Variants in RIMS1 observed in about 807,000 individuals in gnomAD.
RIMS1 encodes regulating synaptic membrane exocytosis protein 1.
In RIMS1, 83 loss-of-function variants were observed where a neutral mutation model predicts 214.1. That is an observed-to-expected ratio of 0.39 (90% CI 0.32 to 0.47). The LOEUF (loss-of-function observed/expected upper bound fraction) is 0.47, where lower values mean the gene tolerates loss of function less well. RIMS1 is among the 20% of genes least tolerant of loss of function. The pLI is 0.99. For synonymous variants in RIMS1, 793 were observed against 786.8 expected (o/e 1.01, Z -0.13); for missense variants, 2,050 against 2,161.8 (o/e 0.95, Z 1.03).
At position 72,293,277 on chromosome 6, in the gene RIMS1, T is replaced by C. The variant is rs73750475; in HGVS notation, c.3850+1231T>C. On this transcript the variant is annotated intron_variant, in intron 26 of 33. Transcript: ENST00000521978. The stretch of plus-strand genomic sequence containing the variant: ...ATTCATTTAGTGAATCATGAAAATA[T>C]GATGCATTGTGAAACTCTGACTTTC... Among the ~76,000 whole-genome samples, 479 of 152,150 alleles carry C rather than the reference T, an allele frequency of 3.1e-3. 2 individuals carry two copies. Among genetic ancestry groups the C allele is most frequent in the African/African-American group, 0.01 (434 of 41,576 alleles).
At chr6:72,039,522 C>A (rs1057377465) in intron 2 of RIMS1, among the ~76,000 whole-genome samples, 3 of 151,950 alleles carry the variant, frequency 2.0e-5, no homozygotes, top group Non-Finnish European at 4.4e-5. Flanking sequence ...TGCAGGTGAG[C>A]CATATTGTTA....
At chr6:72,188,463 C>T (rs2049503705) in intron 6 of RIMS1, among the ~76,000 whole-genome samples, 1 of 152,146 alleles carries the variant, frequency 6.6e-6, no homozygotes. Flanking sequence ...TCTTATGTCA[C>T]ATGATAAAGG....
intron 6 of RIMS1, among the ~76,000 whole-genome samples, chr6:72,222,400 T>TCAAAAA (rs2058749708): frequency 6.6e-6 from 1 of 152,054 alleles, no homozygotes; most frequent in African/African-American, 2.4e-5. Flanking sequence ...TTCCATTTTT[T>TCAAAAA]TGTACTGCAT....
At chr6:72,179,554 T>C (rs2048167183) in intron 4 of RIMS1, 21 bp from the exon 5 acceptor site, 1 of 1,570,268 alleles carries the variant, frequency 6.4e-7, no homozygotes, top group South Asian at 1.2e-5. Context: ...AAATTTATAT[T>C]GTTCTTTCTT....
chr6:72,025,630 T>C (rs2151968818), intron 2 of RIMS1, among the ~76,000 whole-genome samples: 1 of 152,336 alleles, frequency 6.6e-6, no homozygotes, highest in East Asian at 1.9e-4. Flanking sequence ...CCCAGTTGAG[T>C]TGATGGCTAG....
At chr6:72,370,577 G>C (rs1215643539) in intron 29 of RIMS1, among the ~76,000 whole-genome samples, 1 of 152,072 alleles carries the variant, frequency 6.6e-6, no homozygotes, top group Non-Finnish European at 1.5e-5. Context: ...AAATAGAATT[G>C]CTTATGTGGT....
At position 72,338,665 on chromosome 6, in the gene RIMS1, A is replaced by G. The variant is rs539547057; in HGVS notation, c.4366+4830A>G. On this transcript the variant is annotated intron_variant, in intron 29 of 33. Transcript: ENST00000521978. The stretch of plus-strand genomic sequence containing the variant: ...CAAAAAGTGGGCGAAGGATATGAAC[A>G]GACACTTCTCAAAATAAGACATTTA... Among the ~76,000 whole-genome samples, 57 of 152,148 alleles carry G rather than the reference A, an allele frequency of 3.7e-4. 1 individual carries two copies. Among genetic ancestry groups the G allele is most frequent in the Admixed American group, 3.4e-3 (51 of 15,222 alleles).
chr6:72,207,977 T>C (rs1040717121), intron 6 of RIMS1, among the ~76,000 whole-genome samples: 1 of 152,182 alleles, frequency 6.6e-6, no homozygotes, highest in Non-Finnish European at 1.5e-5. Context: ...TCAAGACTTA[T>C]AATGGTTGGG....
chr6:71,975,672 T>C (rs748389845), intron 2 of RIMS1, among the ~76,000 whole-genome samples: 2 of 152,152 alleles, frequency 1.3e-5, no homozygotes, highest in African/African-American at 4.8e-5. Flanking sequence ...ACTATGTAAT[T>C]CAGGAATGTT....
At chr6:72,005,726 G>A (rs192307183) in intron 2 of RIMS1, among the ~76,000 whole-genome samples, 10 of 152,192 alleles carry the variant, frequency 6.6e-5, no homozygotes, top group African/African-American at 2.4e-4. Flanking sequence ...TAAAAAACAT[G>A]CTGGATGGCT....
intron 2 of RIMS1, among the ~76,000 whole-genome samples, chr6:72,007,538 G>T (rs1038700118): frequency 6.6e-6 from 1 of 152,186 alleles, no homozygotes; most frequent in East Asian, 1.9e-4. Flanking sequence ...GCTAAAGGAG[G>T]AAGTTTGAAC....
intron 2 of RIMS1, among the ~76,000 whole-genome samples, chr6:71,993,136 C>T (rs896532406): frequency 1.3e-5 from 2 of 152,072 alleles, no homozygotes; most frequent in African/African-American, 4.8e-5. Flanking sequence ...ATAGGTAAAG[C>T]TGCTTCTTGA....
chr6:71,917,940 GGTGTTCACT>G (rs1293913054), intron 1 of RIMS1, among the ~76,000 whole-genome samples: 1 of 152,158 alleles, frequency 6.6e-6, no homozygotes, highest in Non-Finnish European at 1.5e-5. Flanking sequence ...TTGCTGTGAT[GGTGTTCACT>G]TGGAGAGGAG....
At chr6:72,216,419 G>C (rs899845802) in intron 6 of RIMS1, 1 of 985,130 alleles carries the variant, frequency 1.0e-6, no homozygotes, top group Non-Finnish European at 1.2e-6. Context: ...ATGAGCCACC[G>C]TTAGCACTAG....
intron 12 of RIMS1, among the ~76,000 whole-genome samples, chr6:72,248,600 T>C (rs1563047263): frequency 6.6e-6 from 1 of 152,202 alleles, no homozygotes; most frequent in Non-Finnish European, 1.5e-5. Flanking sequence ...TTCTCACTAT[T>C]GCCTTATTAT....
intron 1 of RIMS1, among the ~76,000 whole-genome samples, chr6:71,948,488 A>T (rs1231267089): frequency 6.6e-6 from 1 of 152,206 alleles, no homozygotes; most frequent in Non-Finnish European, 1.5e-5. Context: ...CTTGAATGTG[A>T]ACAGTATAGA....
chr6:72,291,854 G>T, intron 25 of RIMS1, 80 bp from the exon 26 acceptor site: 1 of 1,036,120 alleles, frequency 9.7e-7, no homozygotes, highest in Non-Finnish European at 1.5e-6. Flanking sequence ...TATTTTAATC[G>T]TAACAGAAAG....
At position 72,264,980 on chromosome 6, in the gene RIMS1, T is replaced by G; in HGVS notation, c.3122T>G (p.Leu1041Arg). 1 of 1,586,274 alleles carries G rather than the reference T, an allele frequency of 6.3e-7. No individual in the cohort carries two copies. Among genetic ancestry groups the G allele is most frequent in the South Asian group, 1.2e-5 (1 of 86,842 alleles). Residue 1041 changes from leucine to arginine, a missense_variant, in exon 20 of 34, where the codon CTT (leucine) becomes CGT (arginine). By Grantham distance (102) the Leu-to-Arg change is moderately radical (BLOSUM62 -2). Around this residue, in one of 6 missense-constraint regions of RIMS1, gnomAD observed 889 missense variants for 885.5 expected, o/e 1.00. Transcript: ENST00000521978. The part of the protein sequence containing the change: ...SAECLHTTRH[L>R]VRHYKTLPPK... ...TTTGTGTTGCTACGTTCCAGACATC[T>G]TGTTAGGCACTATAAAACATTACCT...
At chr6:71,897,051 C>T (rs1040196759) in intron 1 of RIMS1, among the ~76,000 whole-genome samples, 9 of 152,174 alleles carry the variant, frequency 5.9e-5, no homozygotes, top group Admixed American at 3.3e-4. Context: ...TTATAAATTT[C>T]TTGACTTTCT....
Sources: allele counts gnomAD v4.1 joint callset (sites outside exome capture counted in the v4.1 genomes callset), GRCh38; gene constraint gnomAD v4.1.1; regional missense constraint gnomAD v4.1.1; transcripts MANE v1.5; gene names NCBI Gene and HGNC (gene_info 2026-07-23, HGNC 2026-07-21).